Variants in SLC36A1 observed in about 807,000 individuals in gnomAD.
The protein encoded by SLC36A1 is proton-coupled amino acid transporter 1.
In SLC36A1, 30 loss-of-function variants were observed where a neutral mutation model predicts 47.5. The ratio of observed to expected loss-of-function variants is 0.63; its 90% CI spans 0.47 to 0.86. The LOEUF (loss-of-function observed/expected upper bound fraction) is 0.86, where lower values mean the gene tolerates loss of function less well. Ranked by LOEUF, SLC36A1 falls within the 40% of genes least tolerant of loss-of-function variation. The pLI is 0.00. For missense variants in SLC36A1, 517 were observed against 606.0 expected (o/e 0.85, Z 1.54); for synonymous variants, 255 against 249.7 (o/e 1.02, Z -0.20).
the SLC36A1 span, among the ~76,000 whole-genome samples, chr5:151,353,408 G>A: frequency 6.6e-6 from 1 of 152,166 alleles, no homozygotes; most frequent in African/African-American, 2.4e-5. Context: ...ATAAGTGATA[G>A]ACTATTCTTT....
the SLC36A1 span, among the ~76,000 whole-genome samples, chr5:151,416,923 T>A: frequency 1.3e-5 from 2 of 152,202 alleles, no homozygotes. Context: ...TGAGATCCTA[T>A]GGTTTTATAA....
At chr5:151,496,297 C>T (rs966060015), downstream of SLC36A1, among the ~76,000 whole-genome samples, 3 of 150,728 alleles carry the variant, frequency 2.0e-5, no homozygotes, top group African/African-American at 7.5e-5. Context: ...GATTGTGAGG[C>T]CTCCTCAGCT....
At chr5:151,518,723 T>C in the SLC36A1 span, among the ~76,000 whole-genome samples, 1 of 152,238 alleles carries the variant, frequency 6.6e-6, no homozygotes, top group Non-Finnish European at 1.5e-5. Flanking sequence ...CACAGTTGCA[T>C]AGTATGGAGT....
chr5:151,549,346 T>C, the SLC36A1 span: 118 of 1,613,946 alleles, frequency 7.3e-5, no homozygotes, highest in African/African-American at 1.5e-3. Context: ...TCAGCATCCA[T>C]GGCTCGGACC....
chr5:151,550,513 CAGCATGTCTCCA>C, the SLC36A1 span: 1 of 1,506,306 alleles, frequency 6.6e-7, no homozygotes. Context: ...GGGGGACCTT[CAGCATGTCTCCA>C]AGCATGTCCA....
the SLC36A1 span, among the ~76,000 whole-genome samples, chr5:151,514,952 AT>A: frequency 1.3e-5 from 2 of 152,334 alleles, no homozygotes; most frequent in Admixed American, 1.3e-4. Context: ...ATTTTCAAAA[AT>A]ATACCTTCTT....
the SLC36A1 span, among the ~76,000 whole-genome samples, chr5:151,422,558 C>T: frequency 2.6e-5 from 4 of 152,082 alleles, no homozygotes; most frequent in Non-Finnish European, 4.4e-5. Context: ...AAGACCCTGC[C>T]TCTTAAAAAT....
chr5:151,542,921 T>A, the SLC36A1 span: 1 of 1,614,106 alleles, frequency 6.2e-7, no homozygotes, highest in African/African-American at 1.3e-5. Flanking sequence ...ACACCATCCT[T>A]GTTGCTCTCA....
upstream of SLC36A1, among the ~76,000 whole-genome samples, chr5:151,436,711 A>C (rs1207611058): frequency 6.7e-6 from 1 of 148,568 alleles, no homozygotes; most frequent in African/African-American, 2.6e-5. Flanking sequence ...AGTATCATAT[A>C]TAATGATACA....
the SLC36A1 span, among the ~76,000 whole-genome samples, chr5:151,522,425 T>C: frequency 6.6e-6 from 1 of 152,214 alleles, no homozygotes; most frequent in Admixed American, 6.5e-5. Flanking sequence ...TTTCTCATTC[T>C]GTCCCTGTCC....
the SLC36A1 span, among the ~76,000 whole-genome samples, chr5:151,530,502 G>A: frequency 3.9e-5 from 6 of 152,252 alleles, no homozygotes; most frequent in South Asian, 1.2e-3. Context: ...TAAATAAATG[G>A]CAGGGGGAAA....
intron 1 of SLC36A1, among the ~76,000 whole-genome samples, chr5:151,448,867 C>T (rs1395750166): frequency 1.3e-5 from 2 of 152,040 alleles, no homozygotes; most frequent in Non-Finnish European, 2.9e-5. Context: ...TCTTAAGGGC[C>T]CCTTCTGCTG....
chr5:151,353,505 C>T, the SLC36A1 span, among the ~76,000 whole-genome samples: 3 of 152,274 alleles, frequency 2.0e-5, no homozygotes, highest in South Asian at 6.2e-4. Flanking sequence ...CACAGCATCC[C>T]CTACTATTGA....
At chr5:151,520,330 G>A in the SLC36A1 span, among the ~76,000 whole-genome samples, 3 of 152,366 alleles carry the variant, frequency 2.0e-5, no homozygotes, top group African/African-American at 7.2e-5. Flanking sequence ...GCTTAGTGAA[G>A]AGTTCAGGCT....
At chr5:151,529,901 A>G in the SLC36A1 span, among the ~76,000 whole-genome samples, 2 of 152,264 alleles carry the variant, frequency 1.3e-5, no homozygotes, top group Admixed American at 1.3e-4. Flanking sequence ...AAGAAATAAA[A>G]GAACAAGGAT....
the SLC36A1 span, chr5:151,550,585 C>T: frequency 2.5e-6 from 4 of 1,613,604 alleles, no homozygotes; most frequent in Non-Finnish European, 3.4e-6. Context: ...TTTCCATTTA[C>T]TCACCATGAC....
Position 151,447,810 on chromosome 5 carries a change from C to G in SLC36A1, c.-9C>G, listed in dbSNP as rs1753043676. 2 of 152,334 alleles carry G rather than the reference C, an allele frequency of 1.3e-5. No individual in the cohort carries two copies. The allele number at this position is 152,334 out of a possible 1,614,324, so 9.4% of individuals were successfully genotyped here. A position where few individuals can be genotyped will look rare whatever the true frequency, so the allele number is the denominator to read the frequency against. On this transcript the variant is annotated 5_prime_UTR_variant, in exon 1 of 11. Transcript: ENST00000243389. The stretch of plus-strand genomic sequence containing the variant: ...CCTTCCTCCCGGCGTGGCAGATGCT[C>G]CAGGTCAGGCACTGGATCCGCCCGG...
At chr5:151,345,992 A>C in the SLC36A1 span, among the ~76,000 whole-genome samples, 1 of 152,226 alleles carries the variant, frequency 6.6e-6, no homozygotes, top group African/African-American at 2.4e-5. Flanking sequence ...TAAGCAGCTA[A>C]GTGGGAATTC....
At chr5:151,532,219 A>T in the SLC36A1 span, among the ~76,000 whole-genome samples, 1 of 152,220 alleles carries the variant, frequency 6.6e-6, no homozygotes, top group Non-Finnish European at 1.5e-5. Flanking sequence ...CGAAAATATT[A>T]TGTGGGGATT....
Sources: gnomAD v4.1 joint callset for allele counts (sites outside exome capture counted in the v4.1 genomes callset) on GRCh38, gnomAD v4.1.1 for gene constraint, MANE v1.5 for transcripts, NCBI Gene and HGNC (gene_info 2026-07-23, HGNC 2026-07-21) for gene names.